The following TNR variants were observed in gnomAD, a reference collection of about 807,000 sequenced individuals.
The protein encoded by TNR is tenascin R, also known as tenascin-R.
TNR carries 45 observed loss-of-function variants against 150.4 expected under a neutral mutation model. That is an observed-to-expected ratio of 0.30 (90% CI 0.24 to 0.38). The LOEUF is 0.38. TNR is among the 10% of genes least tolerant of loss of function. The pLI is 1.00. For missense variants in TNR, 1,544 were observed against 1,759.1 expected, an observed-to-expected ratio of 0.88 and a Z score of 2.19; for synonymous variants, 687 against 678.4, an observed-to-expected ratio of 1.01 and a Z score of -0.20.
intron 1 of TNR, among the ~76,000 whole-genome samples, chr1:175,674,548 G>T (rs1332420417): frequency 6.6e-6 from 1 of 152,188 alleles, no homozygotes; most frequent in African/African-American, 2.4e-5. Context: ...CCCCATACTG[G>T]CCTTACTACA....
intron 1 of TNR, among the ~76,000 whole-genome samples, chr1:175,649,937 G>C (rs1571712743): frequency 6.7e-6 from 1 of 150,340 alleles, no homozygotes; most frequent in East Asian, 1.9e-4. Flanking sequence ...ATTTTTTTTT[G>C]AACTTGCAAA....
chr1:175,650,401 C>G (rs1258814384), intron 1 of TNR, among the ~76,000 whole-genome samples: 5 of 151,880 alleles, frequency 3.3e-5, no homozygotes, highest in African/African-American at 1.2e-4. Context: ...AAAAAACAAA[C>G]AAAGAAAAAC....
At chr1:175,417,145 G>A (rs1272630926) in intron 2 of TNR, among the ~76,000 whole-genome samples, 2 of 152,098 alleles carry the variant, frequency 1.3e-5, no homozygotes, top group African/African-American at 4.8e-5. Context: ...TAATACACAC[G>A]AAACTGAAGA....
intron 2 of TNR, among the ~76,000 whole-genome samples, chr1:175,460,799 C>T (rs1432210041): frequency 6.6e-6 from 1 of 152,164 alleles, no homozygotes; most frequent in African/African-American, 2.4e-5. Flanking sequence ...TCAAAGTTAC[C>T]TCTCTAGAGG....
At chr1:175,364,029 G>C (rs1025599155) in intron 12 of TNR, among the ~76,000 whole-genome samples, 1 of 152,160 alleles carries the variant, frequency 6.6e-6, no homozygotes. Context: ...CTATGTTCAT[G>C]GAGAATATTT....
Position 175,363,787 on chromosome 1 carries a change from G to A in TNR, c.2628C>T (p.Thr876=), listed in dbSNP as rs1651708303. 6.2e-7 allele frequency: 1 copy of A among 1,613,590 alleles called. No homozygotes were observed. The highest frequency in any genetic ancestry group is 8.5e-7 in the Non-Finnish European group (1 of 1,179,782). ...TCCAGGAGACCATCACTGAGTCCTT[G>A]GTCACATTGCTAATTGTGATGTCTT... ...PPKDITISNV[T]KDSVMVSWSP... The change falls in exon 13 of 23, where the codon ACC becomes ACT. Residue 876 remains threonine, a synonymous_variant. Coordinates refer to ENST00000367674, the MANE Select transcript of TNR (RefSeq NM_003285.3).
At chr1:175,497,940 G>A (rs1658556784) in intron 2 of TNR, among the ~76,000 whole-genome samples, 1 of 152,046 alleles carries the variant, frequency 6.6e-6, no homozygotes. Flanking sequence ...TGCACCTGTT[G>A]TCCCAGCTAC....
chr1:175,323,753 C>T (rs1412990729), intron 22 of TNR, among the ~76,000 whole-genome samples: 1 of 152,168 alleles, frequency 6.6e-6, no homozygotes, highest in Non-Finnish European at 1.5e-5. Context: ...GAGTGGCATG[C>T]ACCAGTAGAT....
intron 2 of TNR, among the ~76,000 whole-genome samples, chr1:175,476,208 G>A (rs1657539185): frequency 6.6e-6 from 1 of 152,182 alleles, no homozygotes. Flanking sequence ...CCTAGAAGCA[G>A]CCTGGTGCTT....
At chr1:175,696,540 A>T (rs1666531874) in intron 1 of TNR, among the ~76,000 whole-genome samples, 1 of 152,256 alleles carries the variant, frequency 6.6e-6, no homozygotes, top group African/African-American at 2.4e-5. Flanking sequence ...CCTGCCAAGT[A>T]CAGACAATAA....
chr1:175,507,581 A>G (rs949246021), intron 2 of TNR, among the ~76,000 whole-genome samples: 1 of 148,788 alleles, frequency 6.7e-6, no homozygotes, highest in African/African-American at 2.5e-5. Context: ...CACATACCCC[A>G]TACTTCAGGC....
In TNR at chr1:175,427,895, T is replaced by C. The variant is rs1456270720; in HGVS notation, c.-63-21118A>G. 9.9e-5 allele frequency among the ~76,000 whole-genome samples: 11 copies of C among 111,476 alleles called. No homozygotes were observed. The East Asian group carries it at 2.3e-3, about 24-fold the overall frequency. 73.1% of individuals were successfully genotyped at this position (111,476 alleles called of 152,430 possible). On this transcript the variant is annotated intron_variant, in intron 2 of 22. Transcript: ENST00000367674. Reference sequence around the variant, plus strand: ...CTTCTTCCCTCCCTTCTTCGCTTCCTTCCTTCCTTCCTTCCTTCCTTCCTT... The same window carrying C: ...CTTCTTCCCTCCCTTCTTCGCTTCCCTCCTTCCTTCCTTCCTTCCTTCCTT...
At chr1:175,330,345 T>A in intron 20 of TNR, 110 bp from the exon 21 acceptor site, 15 of 1,164,056 alleles carry the variant, frequency 1.3e-5, no homozygotes, top group Non-Finnish European at 1.8e-5. Flanking sequence ...AGGAGGGGAC[T>A]CCAGATTGCT....
intron 7 of TNR, among the ~76,000 whole-genome samples, chr1:175,388,714 A>G (rs1365921398): frequency 6.6e-6 from 1 of 152,206 alleles, no homozygotes; most frequent in East Asian, 1.9e-4. Flanking sequence ...CAAAAAGTAA[A>G]CTGGAATAAA....
At chr1:175,479,604 G>A (rs1048890558) in intron 2 of TNR, among the ~76,000 whole-genome samples, 1 of 152,136 alleles carries the variant, frequency 6.6e-6, no homozygotes, top group Non-Finnish European at 1.5e-5. Context: ...GAACGTGGCA[G>A]CCAGAGTTCT....
intron 1 of TNR, among the ~76,000 whole-genome samples, chr1:175,622,334 C>T (rs1219759859): frequency 6.6e-6 from 1 of 152,192 alleles, no homozygotes; most frequent in Non-Finnish European, 1.5e-5. Flanking sequence ...GCACCAGGCA[C>T]CCATAGCACT....
rs376576113 is a variant in TNR at position 175,343,837 on chromosome 1, A to G, written c.3383-6158T>C. Among the ~76,000 whole-genome samples the G allele has an allele frequency of 1.1e-4, 16 of 152,360 alleles. No individual in the cohort carries two copies. The East Asian group carries it at 2.7e-3, about 26-fold the overall frequency. On this transcript the variant is annotated intron_variant, in intron 18 of 22. Coordinates refer to ENST00000367674, the MANE Select transcript of TNR (RefSeq NM_003285.3). The stretch of plus-strand genomic sequence containing the variant: ...TAAAATAGGCCAGAGCAAGTTCTGT[A>G]TATAGTAATATGTAAGGTCCTGCTG...
At chr1:175,375,097 C>G (rs1293650863) in intron 9 of TNR, among the ~76,000 whole-genome samples, 4 of 151,984 alleles carry the variant, frequency 2.6e-5, no homozygotes, top group Non-Finnish European at 4.4e-5. Context: ...AAATTGCAAT[C>G]AGCAACTAAA....
chr1:175,632,076 C>G (rs549548733), intron 1 of TNR, among the ~76,000 whole-genome samples: 10 of 152,182 alleles, frequency 6.6e-5, no homozygotes, highest in Non-Finnish European at 1.3e-4. Context: ...GGAGAAGGAA[C>G]CTTAGCTCTG....
Sources: gnomAD v4.1 joint callset for allele counts (sites outside exome capture counted in the v4.1 genomes callset) on GRCh38, gnomAD v4.1.1 for gene constraint, MANE v1.5 for transcripts, NCBI Gene and HGNC (gene_info 2026-07-23, HGNC 2026-07-21) for gene names.